The following DGKB variants were observed in gnomAD, a reference collection of about 807,000 sequenced individuals.
DGKB encodes diacylglycerol kinase beta, also known as 90 kDa diacylglycerol kinase.
In DGKB, 67 loss-of-function variants were observed where a neutral mutation model predicts 114.3. The observed-to-expected ratio is 0.59, with a 90% CI of 0.48 to 0.72. The LOEUF (loss-of-function observed/expected upper bound fraction) is 0.72. DGKB is among the 30% of genes least tolerant of loss of function. The pLI is 0.00. For missense variants in DGKB, 907 were observed against 975.2 expected, an observed-to-expected ratio of 0.93 and a Z score of 0.93; for synonymous variants, 398 against 323.1, an observed-to-expected ratio of 1.23 and a Z score of -2.49.
chr7:14,595,781 G>T (rs1354438792), intron 17 of DGKB, among the ~76,000 whole-genome samples: 9 of 151,686 alleles, frequency 5.9e-5, no homozygotes, highest in Admixed American at 5.9e-4. Flanking sequence ...TTGTACTGAG[G>T]TTAAAAGATA....
chr7:14,576,982 T>G (rs1799220088), intron 19 of DGKB, among the ~76,000 whole-genome samples: 1 of 152,178 alleles, frequency 6.6e-6, no homozygotes, highest in Non-Finnish European at 1.5e-5. Context: ...AACAAATATC[T>G]TTTCCCTACT....
intron 21 of DGKB, among the ~76,000 whole-genome samples, chr7:14,384,301 G>C (rs1237292703): frequency 2.0e-5 from 3 of 152,134 alleles, no homozygotes; most frequent in Non-Finnish European, 4.4e-5. Context: ...TTAGGGCAAG[G>C]ATTAGCAAAA....
intron 20 of DGKB, among the ~76,000 whole-genome samples, chr7:14,543,877 A>G (rs1480970149): frequency 1.3e-5 from 2 of 152,204 alleles, no homozygotes; most frequent in South Asian, 2.1e-4. Context: ...GAGCAGAATG[A>G]TAATATAATA....
chr7:14,887,955 T>C (rs969883303), intron 1 of DGKB, among the ~76,000 whole-genome samples: 13 of 151,704 alleles, frequency 8.6e-5, no homozygotes, highest in African/African-American at 2.9e-4. Context: ...AAACTTCTTA[T>C]GTGTTTAATT....
At chr7:14,540,021 G>T (rs1303603947) in intron 20 of DGKB, among the ~76,000 whole-genome samples, 2 of 151,848 alleles carry the variant, frequency 1.3e-5, no homozygotes, top group Non-Finnish European at 2.9e-5. Context: ...CTACTCATTT[G>T]TGGACTTATC....
rs1382606546 is a variant in DGKB at position 14,145,491 on chromosome 7, C to G, written c.*3640G>C. On this transcript the variant is annotated 3_prime_UTR_variant, in exon 26 of 26. Transcript: ENST00000402815. Reference sequence around the variant, plus strand: ...TTTTTTTTTTTGAGACAGAGTCTGGCTCTGTCACCCAGGCTGGAGTGCAGT... The same window carrying G: ...TTTTTTTTTTTGAGACAGAGTCTGGGTCTGTCACCCAGGCTGGAGTGCAGT... 11 of 149,968 alleles carry G rather than the reference C, an allele frequency of 7.3e-5. No homozygotes were observed. In the East Asian group the frequency reaches 2.2e-3, roughly 30 times the overall value. 9.3% of individuals were successfully genotyped at this position (149,968 alleles called of 1,614,324 possible).
At chr7:14,641,781 T>C (rs746056538) in intron 13 of DGKB, among the ~76,000 whole-genome samples, 66 of 151,594 alleles carry the variant, frequency 4.4e-4, no homozygotes, top group South Asian at 1.2e-3. Flanking sequence ...TTTAAGACTT[T>C]TTGTTAGAAT....
At chr7:14,459,650 G>C (rs568183957) in intron 21 of DGKB, among the ~76,000 whole-genome samples, 1 of 152,264 alleles carries the variant, frequency 6.6e-6, no homozygotes, top group Admixed American at 6.5e-5. Context: ...AAGTGACAGG[G>C]AGACCAAGTT....
In DGKB at chr7:14,169,619, C is replaced by CT. The variant is rs1780544805; in HGVS notation, c.2304+7219dup. ...TTAATGTCATGACAAAGATTCTGAA[C>CT]TTTTTTCTGTGTAAAATGAGGAGGC... On this transcript the variant is annotated intron_variant, in intron 25 of 25. Transcript: ENST00000402815. 2.0e-5 allele frequency among the ~76,000 whole-genome samples: 3 copies of CT among 152,026 alleles called. 1 individual carries two copies. The highest frequency in any genetic ancestry group is 4.1e-4 in the South Asian group (2 of 4,836).
intron 22 of DGKB, among the ~76,000 whole-genome samples, chr7:14,343,997 CAAT>C (rs1812054721): frequency 6.9e-6 from 1 of 145,784 alleles, no homozygotes. Flanking sequence ...TTATTATATA[CAAT>C]AATATATAAC....
intron 20 of DGKB, among the ~76,000 whole-genome samples, chr7:14,501,092 C>G (rs1288702323): frequency 6.6e-6 from 1 of 151,720 alleles, no homozygotes; most frequent in African/African-American, 2.4e-5. Context: ...AAAATATTCT[C>G]AAGATAAGAA....
At chr7:14,549,313 T>C (rs2128637645) in intron 20 of DGKB, among the ~76,000 whole-genome samples, 1 of 152,220 alleles carries the variant, frequency 6.6e-6, no homozygotes, top group African/African-American at 2.4e-5. Flanking sequence ...TACAAGTAAG[T>C]CTGAGAAACC....
chr7:14,565,943 G>C (rs1797322639), intron 20 of DGKB, among the ~76,000 whole-genome samples: 1 of 152,016 alleles, frequency 6.6e-6, no homozygotes, highest in South Asian at 2.1e-4. Flanking sequence ...TATTGAATCT[G>C]AATATTGTTA....
At chr7:14,153,902 G>T (rs1247606115) in intron 25 of DGKB, among the ~76,000 whole-genome samples, 1 of 152,050 alleles carries the variant, frequency 6.6e-6, no homozygotes, top group African/African-American at 2.4e-5. Context: ...CTTAGTCAAT[G>T]TATTGATTAA....
At chr7:14,714,463 G>A (rs923639447) in intron 6 of DGKB, among the ~76,000 whole-genome samples, 1 of 152,014 alleles carries the variant, frequency 6.6e-6, no homozygotes, top group African/African-American at 2.4e-5. Flanking sequence ...TACGCATTAT[G>A]AAATCAGGAA....
intron 21 of DGKB, among the ~76,000 whole-genome samples, chr7:14,371,654 G>T (rs1817675038): frequency 6.6e-6 from 1 of 151,920 alleles, no homozygotes; most frequent in South Asian, 2.1e-4. Context: ...AGTTTCTTTT[G>T]CTAGGCAGAA....
chr7:14,238,279 G>A (rs7798945), intron 23 of DGKB, among the ~76,000 whole-genome samples: 31,244 of 151,686 alleles, frequency 0.21, 3,282 homozygotes, highest in Admixed American at 0.24. Context: ...AAGATCTGAC[G>A]GTTTAATAGT....
rs73287745 is a variant in DGKB at position 14,532,645 on chromosome 7, A to G, written c.1770+41567T>C. On this transcript the variant is annotated intron_variant, in intron 20 of 25. Transcript: ENST00000402815. ...AAATCACCAAAATGCATGAAGTGAAAAGTGACAAAATTGAAATGAAAAATA... is the reference window on the plus strand; with the variant it reads ...AAATCACCAAAATGCATGAAGTGAAGAGTGACAAAATTGAAATGAAAAATA... Among the ~76,000 whole-genome samples the G allele has an allele frequency of 5.2e-3, 792 of 151,670 alleles. 10 individuals carry two copies. The highest frequency in any genetic ancestry group is 0.018 in the African/African-American group (756 of 41,514).
chr7:14,244,461 C>T (rs1194028284), intron 23 of DGKB, among the ~76,000 whole-genome samples: 1 of 151,546 alleles, frequency 6.6e-6, no homozygotes, highest in Non-Finnish European at 1.5e-5. Context: ...TCAAGATCAT[C>T]CTGGCTAACA....
Sources: gnomAD v4.1 joint callset for allele counts (sites outside exome capture counted in the v4.1 genomes callset) on GRCh38, gnomAD v4.1.1 for gene constraint, MANE v1.5 for transcripts, NCBI Gene and HGNC (gene_info 2026-07-23, HGNC 2026-07-21) for gene names.